CAMK1D: variants seen among roughly 807,000 people sequenced by gnomAD.
CAMK1D encodes calcium/calmodulin dependent protein kinase ID, also known as calcium/calmodulin-dependent protein kinase type 1D.
A neutral mutation model predicts 47.7 loss-of-function variants in CAMK1D; 9 were observed. That is an observed-to-expected ratio of 0.19 (90% CI 0.11 to 0.33). The LOEUF is 0.33. Ranked by LOEUF, CAMK1D falls within the 10% of genes least tolerant of loss-of-function variation. The probability of loss-of-function intolerance (pLI) is 1.00; values close to 1 mark genes in which losing one functional copy is unlikely to be tolerated. For missense variants in CAMK1D, 291 were observed against 488.7 expected (o/e 0.60, Z 3.81); for synonymous variants, 184 against 184.9 (o/e 0.99, Z 0.04).
At chr10:12,602,924 T>TATTATTATTATTATTA (rs1554795394) in intron 2 of CAMK1D, among the ~76,000 whole-genome samples, 10 of 149,410 alleles carry the variant, frequency 6.7e-5, no homozygotes, top group African/African-American at 9.8e-5. Context: ...TTATTATTAT[T>TATTATTATTATTATTA]TTGAGACAGA....
intron 3 of CAMK1D, among the ~76,000 whole-genome samples, chr10:12,752,287 C>T (rs761626796): frequency 4.6e-5 from 7 of 152,138 alleles, no homozygotes; most frequent in East Asian, 1.9e-4. Context: ...TGAGCCACCG[C>T]GCTGGCCAGA....
At chr10:12,571,628 G>C (rs932705154) in intron 2 of CAMK1D, among the ~76,000 whole-genome samples, 1 of 152,058 alleles carries the variant, frequency 6.6e-6, no homozygotes, top group African/African-American at 2.4e-5. Flanking sequence ...GGGTAACCTC[G>C]CTGCCTATTC....
chr10:12,354,159 T>C (rs1023892163), intron 1 of CAMK1D, among the ~76,000 whole-genome samples: 18 of 152,138 alleles, frequency 1.2e-4, no homozygotes, highest in African/African-American at 4.3e-4. Context: ...AGAAAATGGA[T>C]CTTCATCTCC....
chr10:12,651,187 A>C (rs144806482), intron 2 of CAMK1D, among the ~76,000 whole-genome samples: 22 of 152,248 alleles, frequency 1.4e-4, no homozygotes, highest in African/African-American at 4.6e-4. Context: ...AGTGAACTAA[A>C]CAGTAACGGC....
intron 2 of CAMK1D, among the ~76,000 whole-genome samples, chr10:12,624,369 A>G (rs948577597): frequency 3.9e-5 from 6 of 152,328 alleles, no homozygotes; most frequent in South Asian, 4.1e-4. Flanking sequence ...TCGCGCAACT[A>G]AAACTTTATG....
chr10:12,535,485 A>G (rs1835940554), intron 1 of CAMK1D, among the ~76,000 whole-genome samples: 1 of 152,172 alleles, frequency 6.6e-6, no homozygotes, highest in Admixed American at 6.5e-5. Flanking sequence ...TAAGTCCTCC[A>G]TGAAGTCAGC....
intron 3 of CAMK1D, among the ~76,000 whole-genome samples, chr10:12,711,142 G>A (rs1450562067): frequency 1.3e-5 from 2 of 152,242 alleles, no homozygotes; most frequent in Non-Finnish European, 2.9e-5. Flanking sequence ...GTGATTCCAG[G>A]AACAGTTGGG....
chr10:12,536,146 G>C (rs1835963133), intron 1 of CAMK1D, among the ~76,000 whole-genome samples: 1 of 151,186 alleles, frequency 6.6e-6, no homozygotes, highest in African/African-American at 2.4e-5. Flanking sequence ...CAAAAGTGTA[G>C]AAAAATAAGT....
chr10:12,555,431 G>A lies in CAMK1D; in HGVS notation c.224+2075G>A, dbSNP rs1836729620. On this transcript the variant is annotated intron_variant, in intron 2 of 10. Coordinates refer to ENST00000619168, the MANE Select transcript of CAMK1D (RefSeq NM_153498.4). Reference sequence around the variant, plus strand: ...TTTTGCTTATTTGTTTGGTAGTTTGGTCGTTTCTAGGTTCTCTGGATTGTC... The same window carrying A: ...TTTTGCTTATTTGTTTGGTAGTTTGATCGTTTCTAGGTTCTCTGGATTGTC... Among the ~76,000 whole-genome samples the A allele has an allele frequency of 3.3e-5, 5 of 152,328 alleles. No homozygotes were observed. In the South Asian group the frequency reaches 1.0e-3, roughly 32 times the overall value.
chr10:12,486,454 G>A (rs1834219194), intron 1 of CAMK1D, among the ~76,000 whole-genome samples: 1 of 152,072 alleles, frequency 6.6e-6, no homozygotes, highest in Non-Finnish European at 1.5e-5. Flanking sequence ...CACTGCACCT[G>A]GCGGGGACTT....
At chr10:12,720,946 T>C (rs1317068846) in intron 3 of CAMK1D, among the ~76,000 whole-genome samples, 1 of 152,200 alleles carries the variant, frequency 6.6e-6, no homozygotes, top group South Asian at 2.1e-4. Flanking sequence ...TCTTCTGGAA[T>C]TGGTGAATCC....
At position 12,735,973 on chromosome 10, in the gene CAMK1D, A is replaced by G. The variant is rs112583932; in HGVS notation, c.300-24975A>G. 3.7e-3 allele frequency among the ~76,000 whole-genome samples: 563 copies of G among 152,324 alleles called. 7 individuals are homozygous for G. The highest frequency in any genetic ancestry group is 0.013 in the African/African-American group (539 of 41,572). On this transcript the variant is annotated intron_variant, in intron 3 of 10. Transcript: ENST00000619168. ...AGGAATTTGAACATAGCACTGAGCC[A>G]GTGAATACTGTGGCTCCCTCTGGTT...
intron 1 of CAMK1D, among the ~76,000 whole-genome samples, chr10:12,550,850 G>A (rs536787155): frequency 5.1e-4 from 77 of 152,322 alleles, no homozygotes; most frequent in East Asian, 3.9e-4. Flanking sequence ...AGCTTCTCTC[G>A]TGAGCATCCA....
chr10:12,483,866 T>C (rs1178305867), intron 1 of CAMK1D, among the ~76,000 whole-genome samples: 1 of 152,164 alleles, frequency 6.6e-6, no homozygotes, highest in Non-Finnish European at 1.5e-5. Flanking sequence ...GTTGTATTTT[T>C]AGTAGAGATC....
intron 2 of CAMK1D, among the ~76,000 whole-genome samples, chr10:12,571,404 G>A (rs557465908): frequency 3.0e-5 from 4 of 132,698 alleles, no homozygotes; most frequent in African/African-American, 5.8e-5. Flanking sequence ...AGCTGAGATC[G>A]CAACACTGCA....
chr10:12,535,251 T>A (rs1358336350), intron 1 of CAMK1D, among the ~76,000 whole-genome samples: 1 of 152,194 alleles, frequency 6.6e-6, no homozygotes, highest in East Asian at 1.9e-4. Context: ...CTCTCCCAGC[T>A]CTGTCTGCTA....
chr10:12,446,799 C>G (rs556567907), intron 1 of CAMK1D, among the ~76,000 whole-genome samples: 4 of 152,310 alleles, frequency 2.6e-5, no homozygotes, highest in Non-Finnish European at 5.9e-5. Context: ...CCTTGTTGTT[C>G]TGGTTTGAGT....
intron 8 of CAMK1D, among the ~76,000 whole-genome samples, chr10:12,821,754 C>T (rs1045834519): frequency 3.3e-5 from 5 of 152,172 alleles, no homozygotes; most frequent in South Asian, 2.1e-4. Flanking sequence ...GCAGGCTGAT[C>T]GCTGGAGGTC....
At chr10:12,376,262 G>T (rs1465866509) in intron 1 of CAMK1D, among the ~76,000 whole-genome samples, 2 of 151,898 alleles carry the variant, frequency 1.3e-5, no homozygotes, top group Non-Finnish European at 2.9e-5. Context: ...CACTCGACGG[G>T]GCCTTTACCC....
Sources: gnomAD v4.1 joint callset for allele counts (sites outside exome capture counted in the v4.1 genomes callset) on GRCh38, gnomAD v4.1.1 for gene constraint, MANE v1.5 for transcripts, NCBI Gene and HGNC (gene_info 2026-07-23, HGNC 2026-07-21) for gene names.